Variants in FOXP2 observed in about 807,000 individuals in gnomAD.
The protein encoded by FOXP2 is forkhead box protein P2.
A neutral mutation model predicts 115.8 loss-of-function variants in FOXP2; 12 were observed. The ratio of observed to expected loss-of-function variants is 0.10; its 90% CI spans 0.07 to 0.17. FOXP2 has a LOEUF of 0.17. Among genes scored for constraint, FOXP2 ranks in the 10% least tolerant of loss-of-function variants. FOXP2 has a pLI of 1.00. For missense variants in FOXP2, 629 were observed against 843.5 expected (o/e 0.75, Z 3.15); for synonymous variants, 328 against 297.7 (o/e 1.10, Z -1.05).
At chr7:114,141,820 T>A (rs1359237048) in intron 1 of FOXP2, among the ~76,000 whole-genome samples, 1 of 152,172 alleles carries the variant, frequency 6.6e-6, no homozygotes. Context: ...GCTACAGGTA[T>A]AAAATAACGG....
intron 1 of FOXP2, among the ~76,000 whole-genome samples, chr7:114,175,700 A>T (rs1793272422): frequency 6.6e-6 from 1 of 152,198 alleles, no homozygotes; most frequent in Non-Finnish European, 1.5e-5. Flanking sequence ...ACCATCTCAG[A>T]TAATGGTAGC....
At chr7:114,387,978 C>G (rs1792495010) in intron 2 of FOXP2, among the ~76,000 whole-genome samples, 1 of 152,044 alleles carries the variant, frequency 6.6e-6, no homozygotes, top group Admixed American at 6.5e-5. Flanking sequence ...TCAAGTTTAT[C>G]TTAAGGTTTC....
rs141090657 is a variant in FOXP2 at position 114,627,814 on chromosome 7, A to G, written c.259-726A>G. ...CTAAATTTTTGTACTTCCTATTATA[A>G]GCTCAGTTGCTTGAAATAAGAAAAG... On this transcript the variant is annotated intron_variant, in intron 3 of 16. Transcript: ENST00000350908. 3.7e-3 allele frequency among the ~76,000 whole-genome samples: 558 copies of G among 152,236 alleles called. 6 individuals are homozygous for G. In the Middle Eastern group the frequency reaches 0.089, roughly 24 times the overall value.
intron 16 of FOXP2, among the ~76,000 whole-genome samples, chr7:114,672,906 A>T (rs1319383531): frequency 6.6e-6 from 1 of 152,206 alleles, no homozygotes; most frequent in Non-Finnish European, 1.5e-5. Context: ...ACAGTTGAGA[A>T]AAATGGGTAA....
chr7:114,247,911 GCGGATGTGCAGA>G, intron 1 of FOXP2, among the ~76,000 whole-genome samples: 1 of 152,190 alleles, frequency 6.6e-6, no homozygotes, highest in East Asian at 1.9e-4. Context: ...AAACGTGCAT[GCGGATGTGCAGA>G]CACACACAGG....
At chr7:114,517,857 G>A (rs115718442) in intron 2 of FOXP2, among the ~76,000 whole-genome samples, 2,646 of 151,692 alleles carry the variant, frequency 0.017, 71 homozygotes, top group African/African-American at 0.057. Context: ...TTCGATTTCC[G>A]TGAAAAATAT....
At chr7:114,115,505 C>T (rs1156438098) in intron 1 of FOXP2, among the ~76,000 whole-genome samples, 2 of 152,106 alleles carry the variant, frequency 1.3e-5, no homozygotes, top group East Asian at 3.9e-4. Flanking sequence ...AACACACTGG[C>T]ATCTGTTCAT....
At chr7:114,547,802 G>C (rs1800006165) in intron 3 of FOXP2, among the ~76,000 whole-genome samples, 1 of 151,546 alleles carries the variant, frequency 6.6e-6, no homozygotes, top group South Asian at 2.1e-4. Flanking sequence ...ATGATGTGAG[G>C]GTTTCTCAAA....
chr7:114,535,289 C>G (rs186731890), intron 3 of FOXP2, among the ~76,000 whole-genome samples: 1 of 150,652 alleles, frequency 6.6e-6, no homozygotes, highest in East Asian at 2.0e-4. Context: ...ATAATATAAT[C>G]CTTGTTTTAT....
At chr7:114,629,177 G>A (rs1804755921) in intron 4 of FOXP2, among the ~76,000 whole-genome samples, 1 of 152,096 alleles carries the variant, frequency 6.6e-6, no homozygotes, top group African/African-American at 2.4e-5. Flanking sequence ...AAATTAGGCA[G>A]CTGAGCCACA....
chr7:114,486,802 C>T (rs1335534321), intron 2 of FOXP2, among the ~76,000 whole-genome samples: 1 of 152,208 alleles, frequency 6.6e-6, no homozygotes, highest in East Asian at 1.9e-4. Flanking sequence ...TCTCCTTTGA[C>T]TCCATGTCTC....
At chr7:114,374,980 G>A (rs1792106740) in intron 2 of FOXP2, among the ~76,000 whole-genome samples, 1 of 152,018 alleles carries the variant, frequency 6.6e-6, no homozygotes, top group South Asian at 2.1e-4. Flanking sequence ...AACAAGGGTG[G>A]GGGCGGTCCA....
chr7:114,453,269 G>C (rs1322214343), intron 2 of FOXP2, among the ~76,000 whole-genome samples: 1 of 152,042 alleles, frequency 6.6e-6, no homozygotes, highest in Non-Finnish European at 1.5e-5. Flanking sequence ...CTGAAGAGAT[G>C]GGAGAACCAG....
intron 2 of FOXP2, among the ~76,000 whole-genome samples, chr7:114,507,595 T>C (rs569286416): frequency 2.6e-5 from 4 of 151,946 alleles, no homozygotes; most frequent in Non-Finnish European, 5.9e-5. Flanking sequence ...TGGCATTGAC[T>C]CAATGACTGA....
chr7:114,691,816 A>G lies in FOXP2; in HGVS notation c.*1890A>G, dbSNP rs2129355374. ...TCATTGATTCTTTGCTGAAGTCAGC[A>G]AATAGAGTTAGAGAGATACCCAGTC... On this transcript the variant is annotated 3_prime_UTR_variant, in exon 17 of 17. Transcript: ENST00000350908. 2.2e-6 allele frequency: 1 copy of G among 453,378 alleles called. No individual in the cohort carries two copies. Among genetic ancestry groups the G allele is most frequent in the African/African-American group, 2.0e-5 (1 of 49,972 alleles). The allele number at this position is 453,378 out of a possible 1,614,324, so 28.1% of individuals were successfully genotyped here. A position where few individuals can be genotyped will look rare whatever the true frequency, so the allele number is the denominator to read the frequency against.
intron 1 of FOXP2, among the ~76,000 whole-genome samples, chr7:114,176,670 T>C (rs1416025501): frequency 6.9e-6 from 1 of 144,736 alleles, no homozygotes; most frequent in Admixed American, 6.9e-5. Flanking sequence ...TTAGGTTGTT[T>C]TTTTTTTTTT....
chr7:114,336,568 A>T (rs1458965101), intron 2 of FOXP2, among the ~76,000 whole-genome samples: 1 of 151,588 alleles, frequency 6.6e-6, no homozygotes, highest in Non-Finnish European at 1.5e-5. Flanking sequence ...TGAAATAAGG[A>T]TTTCTTGCAC....
At chr7:114,150,005 T>G (rs1168158794) in intron 1 of FOXP2, among the ~76,000 whole-genome samples, 2 of 152,070 alleles carry the variant, frequency 1.3e-5, no homozygotes, top group African/African-American at 4.8e-5. Context: ...TAGTGTTCAT[T>G]TAGATTTTCT....
At chr7:114,490,855 A>T (rs1346725228) in intron 2 of FOXP2, among the ~76,000 whole-genome samples, 1 of 152,124 alleles carries the variant, frequency 6.6e-6, no homozygotes, top group Non-Finnish European at 1.5e-5. Flanking sequence ...TTATGGCTGC[A>T]TAGTATTCCA....
Sources: allele counts gnomAD v4.1 joint callset (sites outside exome capture counted in the v4.1 genomes callset), GRCh38; gene constraint gnomAD v4.1.1; transcripts MANE v1.5; gene names NCBI Gene and HGNC (gene_info 2026-07-23, HGNC 2026-07-21).